Variants in LHFPL6 observed in about 807,000 individuals in gnomAD.
LHFPL6 encodes the protein LHFPL tetraspan subfamily member 6 protein.
In LHFPL6, 9 loss-of-function variants were observed where a neutral mutation model predicts 20.6. The observed-to-expected ratio is 0.44, with a 90% CI of 0.26 to 0.76. The LOEUF (loss-of-function observed/expected upper bound fraction) is 0.76, where lower values mean the gene tolerates loss of function less well. Ranked by LOEUF, LHFPL6 falls within the 30% of genes least tolerant of loss-of-function variation. The pLI is 0.20. For synonymous variants in LHFPL6, 105 were observed against 98.7 expected (o/e 1.06, Z -0.38); for missense variants, 218 against 253.5 (o/e 0.86, Z 0.95).
chr13:39,491,536 G>A (rs1250425913), intron 2 of LHFPL6, among the ~76,000 whole-genome samples: 2 of 152,126 alleles, frequency 1.3e-5, no homozygotes, highest in Non-Finnish European at 2.9e-5. Context: ...AATTCACGAT[G>A]GTTCTTTCAA....
At chr13:39,470,354 G>A (rs1359999403) in intron 2 of LHFPL6, among the ~76,000 whole-genome samples, 2 of 151,962 alleles carry the variant, frequency 1.3e-5, no homozygotes, top group South Asian at 4.1e-4. Flanking sequence ...ATAACATTTA[G>A]CAATTCATTC....
intron 2 of LHFPL6, among the ~76,000 whole-genome samples, chr13:39,390,728 C>T (rs1353712083): frequency 6.6e-6 from 1 of 152,186 alleles, no homozygotes; most frequent in Non-Finnish European, 1.5e-5. Flanking sequence ...GGTGCAGAGG[C>T]TCACACCTGT....
intron 2 of LHFPL6, among the ~76,000 whole-genome samples, chr13:39,515,961 A>G (rs1869898596): frequency 6.6e-6 from 1 of 152,244 alleles, no homozygotes; most frequent in African/African-American, 2.4e-5. Flanking sequence ...ACATAATTAC[A>G]GTATACCCTT....
chr13:39,511,745 A>G (rs1221691442), intron 2 of LHFPL6, among the ~76,000 whole-genome samples: 2 of 152,220 alleles, frequency 1.3e-5, no homozygotes, highest in Non-Finnish European at 2.9e-5. Flanking sequence ...TTAGCCTGAA[A>G]AGATACCTGC....
At chr13:39,596,531 G>A (rs1380542236) in intron 2 of LHFPL6, among the ~76,000 whole-genome samples, 1 of 152,078 alleles carries the variant, frequency 6.6e-6, no homozygotes, top group African/African-American at 2.4e-5. Flanking sequence ...TGATTCTGAT[G>A]CATACTAGAG....
chr13:39,369,320 CT>C (rs1009466867), intron 3 of LHFPL6, among the ~76,000 whole-genome samples: 6 of 152,054 alleles, frequency 3.9e-5, no homozygotes, highest in African/African-American at 9.7e-5. Context: ...ATGATCCACA[CT>C]GAAATAACCA....
intron 2 of LHFPL6, among the ~76,000 whole-genome samples, chr13:39,378,896 G>A (rs1870365629): frequency 6.6e-6 from 1 of 152,142 alleles, no homozygotes; most frequent in South Asian, 2.1e-4. Flanking sequence ...GTTCCTAATA[G>A]GTTATGATTT....
In LHFPL6 at chr13:39,485,038, T is replaced by C. The variant is rs74799919; in HGVS notation, c.386-106512A>G. Reference sequence around the variant, plus strand: ...TCTCATTTATCCTGTGGATTTTCTATGGCCTAGTTTCAATTCTATAAAGGT... The same window carrying C: ...TCTCATTTATCCTGTGGATTTTCTACGGCCTAGTTTCAATTCTATAAAGGT... On this transcript the variant is annotated intron_variant, in intron 2 of 3. Coordinates refer to ENST00000379589, the MANE Select transcript of LHFPL6 (RefSeq NM_005780.3). 2.6e-3 allele frequency among the ~76,000 whole-genome samples: 389 copies of C among 152,354 alleles called. 11 individuals carry two copies. The East Asian group carries it at 0.04, about 16-fold the overall frequency.
chr13:39,353,454 C>T (rs912175913), intron 3 of LHFPL6, among the ~76,000 whole-genome samples: 13 of 151,764 alleles, frequency 8.6e-5, no homozygotes, highest in African/African-American at 1.9e-4. Context: ...CGGCCGGGCG[C>T]GGTGGCTCAT....
At chr13:39,552,814 T>G (rs879866051) in intron 2 of LHFPL6, among the ~76,000 whole-genome samples, 11 of 152,212 alleles carry the variant, frequency 7.2e-5, no homozygotes, top group Non-Finnish European at 1.6e-4. Flanking sequence ...TTTAGCCAGT[T>G]TTTTTAATTT....
chr13:39,490,511 A>G (rs1868887256), intron 2 of LHFPL6, among the ~76,000 whole-genome samples: 1 of 152,174 alleles, frequency 6.6e-6, no homozygotes, highest in African/African-American at 2.4e-5. Context: ...TCTGGAAAAA[A>G]TCATGCTGGA....
intron 2 of LHFPL6, among the ~76,000 whole-genome samples, chr13:39,526,578 G>A (rs1870294479): frequency 6.6e-6 from 1 of 152,208 alleles, no homozygotes; most frequent in African/African-American, 2.4e-5. Context: ...CCGGTCTAGT[G>A]CTCTGATGTG....
chr13:39,413,762 G>A (rs1286665617), intron 2 of LHFPL6, among the ~76,000 whole-genome samples: 1 of 152,126 alleles, frequency 6.6e-6, no homozygotes, highest in Admixed American at 6.6e-5. Context: ...AAGACACCAT[G>A]TAAACTTTAC....
At chr13:39,411,388 C>T (rs74477787) in intron 2 of LHFPL6, among the ~76,000 whole-genome samples, 3,401 of 152,280 alleles carry the variant, frequency 0.022, 125 homozygotes, top group African/African-American at 0.075. Flanking sequence ...ATGTGTAACA[C>T]TAGAATAATC....
chr13:39,415,752 C>T (rs938225298), intron 2 of LHFPL6, among the ~76,000 whole-genome samples: 3 of 152,198 alleles, frequency 2.0e-5, no homozygotes, highest in South Asian at 2.1e-4. Flanking sequence ...AGAATAAATA[C>T]AACAAGCAGC....
intron 2 of LHFPL6, among the ~76,000 whole-genome samples, chr13:39,469,836 T>C (rs1397543492): frequency 1.3e-5 from 2 of 152,216 alleles, no homozygotes; most frequent in East Asian, 1.9e-4. Flanking sequence ...AAATGCAATA[T>C]GCTGTCTCTT....
chr13:39,578,999 C>T (rs1003300535), intron 2 of LHFPL6, among the ~76,000 whole-genome samples: 4 of 152,174 alleles, frequency 2.6e-5, no homozygotes, highest in Non-Finnish European at 4.4e-5. Context: ...TGTAACCTCT[C>T]GTGTAACTAG....
Position 39,572,887 on chromosome 13 carries a change from G to A in LHFPL6, c.385+27945C>T, listed in dbSNP as rs1021577924. 2.0e-5 allele frequency among the ~76,000 whole-genome samples: 3 copies of A among 152,196 alleles called. No individual in the cohort carries two copies. The East Asian group carries it at 5.8e-4, about 29-fold the overall frequency. On this transcript the variant is annotated intron_variant, in intron 2 of 3. Coordinates refer to ENST00000379589, the MANE Select transcript of LHFPL6 (RefSeq NM_005780.3). ...TCTCCTCCAAGTCAGCCAGTCACAT[G>A]GTCTTTGGGTCACAAGGCTGAGGGC...
intron 2 of LHFPL6, among the ~76,000 whole-genome samples, chr13:39,428,379 G>A (rs1308632879): frequency 6.6e-6 from 1 of 152,162 alleles, no homozygotes; most frequent in Non-Finnish European, 1.5e-5. Context: ...ACTACAAATT[G>A]ATTTTTAAAA....
Sources: allele counts gnomAD v4.1 joint callset (sites outside exome capture counted in the v4.1 genomes callset), GRCh38; gene constraint gnomAD v4.1.1; transcripts MANE v1.5; gene names NCBI Gene and HGNC (gene_info 2026-07-23, HGNC 2026-07-21).